The following ZFPM2 variants were observed in gnomAD, a reference collection of about 807,000 sequenced individuals.
ZFPM2 encodes zinc finger protein, FOG family member 2.
In ZFPM2, 20 loss-of-function variants were observed where a neutral mutation model predicts 98.6. The observed-to-expected ratio is 0.20, with a 90% confidence interval of 0.14 to 0.29. The LOEUF is 0.29. Ranked by LOEUF, ZFPM2 falls within the 10% of genes least tolerant of loss-of-function variation. ZFPM2 has a pLI of 1.00. For missense variants in ZFPM2, 1,310 were observed against 1,388.6 expected (o/e 0.94, Z 0.90); for synonymous variants, 518 against 502.7 (o/e 1.03, Z -0.41).
At chr8:105,646,800 G>A (rs1299145188) in intron 5 of ZFPM2, among the ~76,000 whole-genome samples, 4 of 152,026 alleles carry the variant, frequency 2.6e-5, no homozygotes, top group Admixed American at 6.6e-5. Flanking sequence ...GTGCGTTGGG[G>A]AAGTCCTGTC....
intron 5 of ZFPM2, among the ~76,000 whole-genome samples, chr8:105,746,221 A>G (rs1812340777): frequency 6.6e-6 from 1 of 151,912 alleles, no homozygotes; most frequent in Admixed American, 6.6e-5. Flanking sequence ...AAAGCTAAGG[A>G]GTATCTAGTG....
chr8:105,639,666 A>T (rs1402324724), intron 5 of ZFPM2, among the ~76,000 whole-genome samples: 2 of 152,104 alleles, frequency 1.3e-5, no homozygotes, highest in African/African-American at 4.8e-5. Flanking sequence ...TGCAGAGGTT[A>T]TGATCAATAT....
chr8:105,563,049 G>A (rs1302789823), intron 4 of ZFPM2, among the ~76,000 whole-genome samples: 1 of 152,164 alleles, frequency 6.6e-6, no homozygotes, highest in African/African-American at 2.4e-5. Flanking sequence ...TCCCCTGAAA[G>A]TCCTTCTCTC....
At chr8:105,497,600 C>G (rs1057109065) in intron 3 of ZFPM2, among the ~76,000 whole-genome samples, 3 of 152,148 alleles carry the variant, frequency 2.0e-5, no homozygotes, top group African/African-American at 7.2e-5. Flanking sequence ...GACCCTTTAT[C>G]TGTTCATTCT....
chr8:105,781,696 G>A (rs1378107018), intron 5 of ZFPM2, among the ~76,000 whole-genome samples: 1 of 152,116 alleles, frequency 6.6e-6, no homozygotes, highest in Admixed American at 6.6e-5. Context: ...ACTCCAGCCT[G>A]GGTGACAGAG....
chr8:105,749,526 G>A (rs1812428873), intron 5 of ZFPM2, among the ~76,000 whole-genome samples: 1 of 152,020 alleles, frequency 6.6e-6, no homozygotes, highest in South Asian at 2.1e-4. Flanking sequence ...TGCGTACTTT[G>A]CAGGACACTT....
At chr8:105,419,016 C>T in intron 1 of ZFPM2, 128 bp from the exon 2 acceptor site, 2 of 758,702 alleles carry the variant, frequency 2.6e-6, no homozygotes, top group East Asian at 2.7e-5. Flanking sequence ...TTGTGAGTCC[C>T]CTTGGTGGTA....
At chr8:105,795,351 T>TAACACA (rs1813765723) in intron 6 of ZFPM2, among the ~76,000 whole-genome samples, 1 of 145,440 alleles carries the variant, frequency 6.9e-6, no homozygotes, top group Non-Finnish European at 1.5e-5. Context: ...TTCCTGAATG[T>TAACACA]CACACACACA....
At chr8:105,750,968 C>T (rs1246349784) in intron 5 of ZFPM2, among the ~76,000 whole-genome samples, 6 of 152,026 alleles carry the variant, frequency 3.9e-5, no homozygotes, top group African/African-American at 1.4e-4. Flanking sequence ...TCATCAAGAC[C>T]TGTAATAACT....
chr8:105,562,508 T>C (rs1006659543), intron 4 of ZFPM2, among the ~76,000 whole-genome samples: 1 of 152,110 alleles, frequency 6.6e-6, no homozygotes, highest in Non-Finnish European at 1.5e-5. Context: ...GAAATCCAAA[T>C]TGGGTGTCAC....
intron 3 of ZFPM2, among the ~76,000 whole-genome samples, chr8:105,473,355 T>G (rs1301511046): frequency 6.6e-6 from 1 of 152,244 alleles, no homozygotes; most frequent in African/African-American, 2.4e-5. Context: ...AATGCCATTT[T>G]GTGACATTGT....
chr8:105,527,390 C>T (rs1814197060), intron 3 of ZFPM2, among the ~76,000 whole-genome samples: 1 of 152,124 alleles, frequency 6.6e-6, no homozygotes, highest in Non-Finnish European at 1.5e-5. Context: ...AGCGAAAGAG[C>T]AAAGTTCTCT....
intron 5 of ZFPM2, among the ~76,000 whole-genome samples, chr8:105,703,441 G>A (rs1811184442): frequency 1.3e-5 from 2 of 152,178 alleles, no homozygotes; most frequent in Non-Finnish European, 2.9e-5. Flanking sequence ...TTCAGTAAAG[G>A]AAATTTGCTA....
At chr8:105,581,938 G>GT (rs1815610811) in intron 4 of ZFPM2, among the ~76,000 whole-genome samples, 1 of 152,134 alleles carries the variant, frequency 6.6e-6, no homozygotes, top group Admixed American at 6.5e-5. Context: ...AACCTATTCT[G>GT]TTTAACTCTG....
chr8:105,727,967 A>C (rs1410396153), intron 5 of ZFPM2, among the ~76,000 whole-genome samples: 1 of 150,792 alleles, frequency 6.6e-6, no homozygotes, highest in African/African-American at 2.5e-5. Context: ...AAAAAAAAAA[A>C]CAAAATCAAA....
At chr8:105,445,444 G>A (rs1365594959) in intron 3 of ZFPM2, among the ~76,000 whole-genome samples, 3 of 151,726 alleles carry the variant, frequency 2.0e-5, no homozygotes, top group African/African-American at 7.3e-5. Flanking sequence ...GGAAAATATA[G>A]CCTTCTGGCA....
intron 5 of ZFPM2, among the ~76,000 whole-genome samples, chr8:105,730,138 AG>A (rs1811897651): frequency 6.6e-6 from 1 of 151,632 alleles, no homozygotes; most frequent in African/African-American, 2.4e-5. Flanking sequence ...TGACTTACAG[AG>A]GTTTCTGTTG....
intron 5 of ZFPM2, among the ~76,000 whole-genome samples, chr8:105,664,254 A>G (rs1817447497): frequency 6.6e-6 from 1 of 152,138 alleles, no homozygotes; most frequent in African/African-American, 2.4e-5. Flanking sequence ...GCAAATGCTA[A>G]CACATTCATT....
intron 3 of ZFPM2, among the ~76,000 whole-genome samples, chr8:105,466,907 T>C (rs138628041): frequency 1.3e-3 from 196 of 152,190 alleles, no homozygotes; most frequent in African/African-American, 4.4e-3. Flanking sequence ...TCTATTCAGA[T>C]AAAACTAGTT....
Sources: gnomAD v4.1 joint callset for allele counts (sites outside exome capture counted in the v4.1 genomes callset) on GRCh38, gnomAD v4.1.1 for gene constraint, MANE v1.5 for transcripts, NCBI Gene and HGNC (gene_info 2026-07-23, HGNC 2026-07-21) for gene names.